Variants in TBL1XR1 observed in about 807,000 individuals in gnomAD.
TBL1XR1 encodes the protein TBL1X/Y related 1, also known as F-box-like/WD repeat-containing protein TBL1XR1.
TBL1XR1 carries 5 observed loss-of-function variants against 66.9 expected under a neutral mutation model. That is an observed-to-expected ratio of 0.07 (90% CI 0.04 to 0.16). The LOEUF (loss-of-function observed/expected upper bound fraction) is 0.16, where lower values mean the gene tolerates loss of function less well. TBL1XR1 is among the 10% of genes least tolerant of loss of function. The probability of loss-of-function intolerance (pLI) is 1.00; values close to 1 mark genes in which losing one functional copy is unlikely to be tolerated. For missense variants in TBL1XR1, 238 were observed against 623.2 expected (o/e 0.38, Z 6.58); for synonymous variants, 210 against 206.0 (o/e 1.02, Z -0.17).
chr3:177,190,302 C>T (rs1054180725), intron 1 of TBL1XR1, among the ~76,000 whole-genome samples: 3 of 152,048 alleles, frequency 2.0e-5, no homozygotes, highest in Non-Finnish European at 4.4e-5. Context: ...ATTAAAAGGG[C>T]AAAACCATCC....
chr3:177,074,348 G>A (rs1285115922), intron 2 of TBL1XR1, among the ~76,000 whole-genome samples: 1 of 152,170 alleles, frequency 6.6e-6, no homozygotes, highest in Non-Finnish European at 1.5e-5. Context: ...AGATATTCAA[G>A]CATAAGATAG....
At chr3:177,126,643 T>G (rs903528729) in intron 1 of TBL1XR1, among the ~76,000 whole-genome samples, 1 of 152,214 alleles carries the variant, frequency 6.6e-6, no homozygotes, top group Non-Finnish European at 1.5e-5. Flanking sequence ...TGTTCAGCTA[T>G]TCACATTCAA....
intron 1 of TBL1XR1, among the ~76,000 whole-genome samples, chr3:177,155,511 A>G (rs1407974806): frequency 6.6e-6 from 1 of 152,216 alleles, no homozygotes; most frequent in Non-Finnish European, 1.5e-5. Flanking sequence ...TGGGAAACAA[A>G]AGGTGTATGA....
At chr3:177,089,927 A>C (rs1381935215) in intron 2 of TBL1XR1, among the ~76,000 whole-genome samples, 1 of 152,260 alleles carries the variant, frequency 6.6e-6, no homozygotes, top group South Asian at 2.1e-4. Context: ...CTATCAGATT[A>C]AAAGACATAT....
intron 10 of TBL1XR1, among the ~76,000 whole-genome samples, chr3:177,042,412 C>T (rs989870096): frequency 2.0e-5 from 3 of 152,078 alleles, no homozygotes; most frequent in Non-Finnish European, 4.4e-5. Context: ...AGCATTAAAA[C>T]AAACACGCTA....
chr3:177,100,833 A>G (rs926367977), intron 1 of TBL1XR1, among the ~76,000 whole-genome samples: 3 of 151,018 alleles, frequency 2.0e-5, no homozygotes, highest in Non-Finnish European at 4.4e-5. Flanking sequence ...TAGTTTAAGT[A>G]TTGGCTCTGC....
At chr3:177,201,483 G>A (rs1737339993), upstream of TBL1XR1, among the ~76,000 whole-genome samples, 1 of 150,906 alleles carries the variant, frequency 6.6e-6, no homozygotes, top group African/African-American at 2.4e-5. Context: ...CGAGAGGAGT[G>A]TGGCATGGCA....
At chr3:177,191,823 G>C (rs906165921) in intron 1 of TBL1XR1, among the ~76,000 whole-genome samples, 3 of 152,220 alleles carry the variant, frequency 2.0e-5, no homozygotes, top group African/African-American at 7.2e-5. Context: ...TAAAGAGTTT[G>C]CCTGGCACGG....
At chr3:177,103,060 T>C (rs1292569141) in intron 1 of TBL1XR1, among the ~76,000 whole-genome samples, 2 of 152,136 alleles carry the variant, frequency 1.3e-5, no homozygotes, top group Non-Finnish European at 2.9e-5. Context: ...TATAGAGAAA[T>C]AGATATAAAC....
At chr3:177,160,468 T>G (rs1732053819) in intron 1 of TBL1XR1, among the ~76,000 whole-genome samples, 2 of 121,232 alleles carry the variant, frequency 1.6e-5, no homozygotes, top group African/African-American at 5.4e-5. Context: ...AGCGAGACTC[T>G]GTCTCAAAAA....
At chr3:177,026,149 G>T in intron 15 of TBL1XR1, 1 of 511,534 alleles carries the variant, frequency 2.0e-6, no homozygotes, top group Non-Finnish European at 3.4e-6. Flanking sequence ...AAAAATAACT[G>T]TCCATTTCTA....
chr3:177,180,381 C>A (rs909359798), intron 1 of TBL1XR1, among the ~76,000 whole-genome samples: 15 of 147,350 alleles, frequency 1.0e-4, no homozygotes, highest in Non-Finnish European at 1.5e-4. Flanking sequence ...TTCCCCCCCC[C>A]CCCATTTAAT....
chr3:177,147,810 C>T (rs758306097), intron 1 of TBL1XR1, among the ~76,000 whole-genome samples: 19 of 152,186 alleles, frequency 1.2e-4, no homozygotes, highest in Non-Finnish European at 2.6e-4. Flanking sequence ...AGGAAGTACT[C>T]CTCCCACAAA....
chr3:177,125,792 A>C (rs1419578835), intron 1 of TBL1XR1, among the ~76,000 whole-genome samples: 1 of 152,186 alleles, frequency 6.6e-6, no homozygotes, highest in Non-Finnish European at 1.5e-5. Flanking sequence ...TCAAATTTCC[A>C]AGTAAAAAAA....
rs1712521632 is a variant in TBL1XR1 at position 177,022,556 on chromosome 3, G to A, written c.*2942C>T. On this transcript the variant is annotated 3_prime_UTR_variant, in exon 16 of 16. Coordinates refer to ENST00000457928, the MANE Select transcript of TBL1XR1 (RefSeq NM_024665.7). ...CTTTCTTTATTCCATTTTAATCAAT[G>A]AGTATTGATTCAAGTTTTCCTTTCT... 6.6e-6 allele frequency: 1 copy of A among 152,470 alleles called. No homozygotes were observed. Among genetic ancestry groups the A allele is most frequent in the Non-Finnish European group, 1.5e-5 (1 of 67,958 alleles). 9.4% of individuals were successfully genotyped at this position (152,470 alleles called of 1,614,324 possible). A position where few individuals can be genotyped will look rare whatever the true frequency, so the allele number is the denominator to read the frequency against.
intron 14 of TBL1XR1, chr3:177,026,751 C>CAACAATAGCT: frequency 6.6e-6 from 2 of 303,296 alleles, no homozygotes; most frequent in Non-Finnish European, 1.2e-5. Flanking sequence ...CTGACATAGC[C>CAACAATAGCT]AACAATAGCT....
At chr3:177,177,776 C>T (rs924270123) in intron 1 of TBL1XR1, among the ~76,000 whole-genome samples, 11 of 152,102 alleles carry the variant, frequency 7.2e-5, no homozygotes, top group African/African-American at 2.4e-4. Context: ...CTATTTATTA[C>T]GAACCTGCTA....
chr3:177,160,192 G>A (rs1383149031), intron 1 of TBL1XR1, among the ~76,000 whole-genome samples: 1 of 152,136 alleles, frequency 6.6e-6, no homozygotes, highest in Non-Finnish European at 1.5e-5. Flanking sequence ...GAAGTATCTG[G>A]TAGGGCGCAG....
At position 177,087,634 on chromosome 3, in the gene TBL1XR1, C is replaced by T. The variant is rs551516268; in HGVS notation, c.-46+10832G>A. Among the ~76,000 whole-genome samples, 5 of 152,094 alleles carry T rather than the reference C, an allele frequency of 3.3e-5. No individual in the cohort carries two copies. The South Asian group carries it at 1.0e-3, about 32-fold the overall frequency. On this transcript the variant is annotated intron_variant, in intron 2 of 15. Transcript: ENST00000457928. ...GCAAACAAACAGAACCTGTATGAAA[C>T]TAGAAGTTCCTGTCCTTTACACACT...
Sources: allele counts gnomAD v4.1 joint callset (sites outside exome capture counted in the v4.1 genomes callset), GRCh38; gene constraint gnomAD v4.1.1; transcripts MANE v1.5; gene names NCBI Gene and HGNC (gene_info 2026-07-23, HGNC 2026-07-21).